Variants in CA10 observed in about 807,000 individuals in gnomAD.
CA10 encodes carbonic anhydrase 10 (inactive), also known as carbonic anhydrase-related protein 10.
Under a neutral mutation model 44.2 loss-of-function variants are expected in CA10, and 14 were observed. The observed-to-expected ratio is 0.32, with a 90% confidence interval of 0.21 to 0.50. The LOEUF (loss-of-function observed/expected upper bound fraction) is 0.50. Among genes scored for constraint, CA10 ranks in the 20% least tolerant of loss-of-function variants. The pLI is 0.99. For synonymous variants in CA10, 159 were observed against 141.6 expected (o/e 1.12, Z -0.87); for missense variants, 350 against 409.7 (o/e 0.85, Z 1.26).
chr17:51,973,951 CATAA>C, intron 2 of CA10, among the ~76,000 whole-genome samples: 1 of 152,114 alleles, frequency 6.6e-6, no homozygotes, highest in South Asian at 2.1e-4. Context: ...AAGTAGCTAT[CATAA>C]ATATGTTCAA....
At chr17:52,011,185 G>A (rs1054980771) in intron 2 of CA10, among the ~76,000 whole-genome samples, 6 of 151,834 alleles carry the variant, frequency 4.0e-5, no homozygotes, top group Non-Finnish European at 5.9e-5. Context: ...CATATTTGGA[G>A]CCTATCATTT....
chr17:51,648,947 A>AC (rs572182590), intron 6 of CA10, among the ~76,000 whole-genome samples: 88 of 151,342 alleles, frequency 5.8e-4, no homozygotes, highest in African/African-American at 2.0e-3. Context: ...AACGATGACC[A>AC]CCATAGTCAT....
intron 4 of CA10, among the ~76,000 whole-genome samples, chr17:51,711,522 T>C (rs1915942537): frequency 6.6e-6 from 1 of 152,222 alleles, no homozygotes; most frequent in Non-Finnish European, 1.5e-5. Flanking sequence ...TTTGTAACTC[T>C]TCTGCTGCAA....
At chr17:51,811,406 A>G (rs1907361563) in intron 3 of CA10, among the ~76,000 whole-genome samples, 1 of 152,190 alleles carries the variant, frequency 6.6e-6, no homozygotes, top group South Asian at 2.1e-4. Context: ...CATCATTTAC[A>G]TTAGGTATTT....
At chr17:51,806,642 T>C (rs1196396552) in intron 3 of CA10, among the ~76,000 whole-genome samples, 1 of 152,208 alleles carries the variant, frequency 6.6e-6, no homozygotes, top group Non-Finnish European at 1.5e-5. Flanking sequence ...GAATGATGCA[T>C]CTCTTCAAGG....
In CA10 at chr17:52,081,799, C is replaced by CAA. The variant is rs10707842; in HGVS notation, c.62-9408_62-9407dup. Among the ~76,000 whole-genome samples, 256 of 78,260 alleles carry CAA rather than the reference C, an allele frequency of 3.3e-3. 4 individuals carry two copies. The highest frequency in any genetic ancestry group is 1.0e-2 in the African/African-American group (215 of 21,512). 51.3% of individuals were successfully genotyped at this position (78,260 alleles called of 152,430 possible). A position where few individuals can be genotyped will look rare whatever the true frequency, so the allele number is the denominator to read the frequency against. ...TGGGCGACAGAGCGAGACTCCGTCT[C>CAA]AAAAAAAAAAAAAAAAAAAAAGATT... On this transcript the variant is annotated intron_variant, in intron 1 of 8. Coordinates refer to ENST00000451037, the MANE Select transcript of CA10 (RefSeq NM_020178.5).
chr17:51,806,910 A>G (rs1310634302), intron 3 of CA10, among the ~76,000 whole-genome samples: 1 of 152,238 alleles, frequency 6.6e-6, no homozygotes, highest in Non-Finnish European at 1.5e-5. Context: ...TTAACAAGAT[A>G]GTAAGAGTTC....
intron 4 of CA10, among the ~76,000 whole-genome samples, chr17:51,654,144 G>C (rs543692201): frequency 1.3e-5 from 2 of 152,328 alleles, no homozygotes; most frequent in African/African-American, 4.8e-5. Flanking sequence ...CTTCCTTGCA[G>C]CCTCGGAGCA....
chr17:52,002,919 G>T (rs1985475695), intron 2 of CA10, among the ~76,000 whole-genome samples: 1 of 151,926 alleles, frequency 6.6e-6, no homozygotes, highest in Non-Finnish European at 1.5e-5. Flanking sequence ...GTTGGAATTT[G>T]AGCCCTATGT....
chr17:51,750,489 T>C (rs1405468143), intron 3 of CA10, among the ~76,000 whole-genome samples: 1 of 137,594 alleles, frequency 7.3e-6, no homozygotes, highest in Non-Finnish European at 1.7e-5. Context: ...GTTGAATCTT[T>C]ACAGCCCTTT....
intron 2 of CA10, among the ~76,000 whole-genome samples, chr17:51,980,434 GAC>G (rs1448036517): frequency 6.6e-6 from 1 of 152,068 alleles, no homozygotes; most frequent in East Asian, 1.9e-4. Context: ...ACCTTTGTCA[GAC>G]ACACAGTTTG....
chr17:51,748,333 A>T (rs1215620005), intron 3 of CA10: 1 of 254,704 alleles, frequency 3.9e-6, no homozygotes, highest in Non-Finnish European at 6.2e-6. Flanking sequence ...CCCTGCAACC[A>T]GACATTGCAC....
chr17:51,663,522 T>C (rs1220785360), intron 4 of CA10, among the ~76,000 whole-genome samples: 1 of 56 alleles, frequency 0.018, no homozygotes, highest in Non-Finnish European at 0.038. Flanking sequence ...CTCCAAGTCC[T>C]GGGTCTTCTG....
intron 2 of CA10, among the ~76,000 whole-genome samples, chr17:51,983,336 T>A (rs1251464465): frequency 6.6e-6 from 1 of 151,844 alleles, no homozygotes; most frequent in East Asian, 1.9e-4. Flanking sequence ...TAAAAACAAA[T>A]TGGGGATTAT....
At chr17:51,913,268 T>G (rs966466167) in intron 3 of CA10, among the ~76,000 whole-genome samples, 1 of 152,054 alleles carries the variant, frequency 6.6e-6, no homozygotes, top group Non-Finnish European at 1.5e-5. Context: ...AGAGTGAGAA[T>G]CCCCAGAAAA....
chr17:51,958,267 T>C (rs868594824), intron 2 of CA10, among the ~76,000 whole-genome samples: 1 of 152,114 alleles, frequency 6.6e-6, no homozygotes, highest in South Asian at 2.1e-4. Flanking sequence ...GTTTTTTTTT[T>C]TTTTTTGATA....
chr17:52,150,680 T>A (rs1159438774), intron 1 of CA10, among the ~76,000 whole-genome samples: 1 of 152,192 alleles, frequency 6.6e-6, no homozygotes, highest in Non-Finnish European at 1.5e-5. Flanking sequence ...ATAAAACTGC[T>A]ACACAATGCT....
At chr17:51,986,080 G>A (rs557513158) in intron 2 of CA10, among the ~76,000 whole-genome samples, 1 of 151,832 alleles carries the variant, frequency 6.6e-6, no homozygotes, top group East Asian at 1.9e-4. Flanking sequence ...TATGGAGGCA[G>A]GTACCACATT....
chr17:52,052,564 A>G (rs1409610445), intron 2 of CA10, among the ~76,000 whole-genome samples: 2 of 152,108 alleles, frequency 1.3e-5, no homozygotes, highest in Non-Finnish European at 2.9e-5. Flanking sequence ...AATATGAACA[A>G]GTGGTACTTG....
Sources: allele counts gnomAD v4.1 joint callset (sites outside exome capture counted in the v4.1 genomes callset), GRCh38; gene constraint gnomAD v4.1.1; transcripts MANE v1.5; gene names NCBI Gene and HGNC (gene_info 2026-07-23, HGNC 2026-07-21).